Variants in ELOVL5 observed in about 807,000 individuals in gnomAD.
The protein encoded by ELOVL5 is ELOVL fatty acid elongase 5, also known as very long chain fatty acid elongase 5.
A neutral mutation model predicts 38.6 loss-of-function variants in ELOVL5; 8 were observed. The observed-to-expected ratio is 0.21, with a 90% CI of 0.12 to 0.37. The LOEUF is 0.37. ELOVL5 is among the 10% of genes least tolerant of loss of function. ELOVL5 has a pLI of 1.00. For missense variants in ELOVL5, 280 were observed against 367.8 expected (o/e 0.76, Z 1.95); for synonymous variants, 127 against 133.7 (o/e 0.95, Z 0.34).
chr6:53,289,554 A>T (rs1420663913), intron 3 of ELOVL5, among the ~76,000 whole-genome samples: 2 of 152,194 alleles, frequency 1.3e-5, no homozygotes, highest in East Asian at 1.9e-4. Flanking sequence ...CCCTGTCTCT[A>T]CTAAAAATAC....
chr6:53,291,550 A>G (rs1408905097), intron 3 of ELOVL5, among the ~76,000 whole-genome samples: 3 of 152,254 alleles, frequency 2.0e-5, no homozygotes, highest in African/African-American at 4.8e-5. Flanking sequence ...AGAAGAATCA[A>G]TAACAAAGGC....
intron 1 of ELOVL5, among the ~76,000 whole-genome samples, chr6:53,306,429 A>T (rs1267068821): frequency 6.6e-6 from 1 of 150,568 alleles, no homozygotes; most frequent in Non-Finnish European, 1.5e-5. Context: ...TTAAACATTC[A>T]AGGAAATTTC....
rs562292347 is a variant in ELOVL5, at chr6:53,285,195, GA to G, written c.246+6580del. 7.4e-3 allele frequency among the ~76,000 whole-genome samples: 1,124 copies of G among 152,312 alleles called. 10 individuals carry two copies. The highest frequency in any genetic ancestry group is 0.011 in the Admixed American group (172 of 15,294). ...GGTTAGCCACGTTGTGAATGCAAAGGAAAAGTTACTGAAGGAAATTAAAAGT... is the reference window on the plus strand; with the variant it reads ...GGTTAGCCACGTTGTGAATGCAAAGGAAAGTTACTGAAGGAAATTAAAAGT... On this transcript the variant is annotated intron_variant, in intron 3 of 7. Transcript: ENST00000304434.
At chr6:53,297,745 C>A (rs1022804109) in intron 1 of ELOVL5, among the ~76,000 whole-genome samples, 31 of 151,996 alleles carry the variant, frequency 2.0e-4, no homozygotes, top group African/African-American at 7.0e-4. Context: ...CAGATTTAGG[C>A]TTCCATTCTA....
chr6:53,328,082 A>G (rs1768630192), intron 1 of ELOVL5, among the ~76,000 whole-genome samples: 1 of 152,204 alleles, frequency 6.6e-6, no homozygotes, highest in Admixed American at 6.5e-5. Flanking sequence ...ACACATATAA[A>G]AAAACACTCT....
At chr6:53,281,602 T>A (rs1766358201) in intron 3 of ELOVL5, among the ~76,000 whole-genome samples, 1 of 152,202 alleles carries the variant, frequency 6.6e-6, no homozygotes, top group African/African-American at 2.4e-5. Flanking sequence ...AAGCAGACCT[T>A]TAACTGCATC....
intron 1 of ELOVL5, among the ~76,000 whole-genome samples, chr6:53,321,104 G>T (rs770896803): frequency 3.3e-5 from 5 of 152,196 alleles, no homozygotes; most frequent in Non-Finnish European, 5.9e-5. Context: ...ATAATCACCA[G>T]ACAAGAGATC....
At chr6:53,288,797 G>A (rs1371017920) in intron 3 of ELOVL5, among the ~76,000 whole-genome samples, 1 of 152,154 alleles carries the variant, frequency 6.6e-6, no homozygotes, top group Non-Finnish European at 1.5e-5. Context: ...CAGATGTAGT[G>A]GCTCATGTCT....
At chr6:53,346,814 T>C (rs1250505401) in intron 1 of ELOVL5, among the ~76,000 whole-genome samples, 1 of 152,180 alleles carries the variant, frequency 6.6e-6, no homozygotes, top group Non-Finnish European at 1.5e-5. Context: ...GCAACCATTA[T>C]GCAGGGAGCA....
In ELOVL5 at chr6:53,346,825, A is replaced by G. The variant is rs1375021046; in HGVS notation, c.-9+1992T>C. Among the ~76,000 whole-genome samples the G allele has an allele frequency of 7.2e-5, 11 of 152,364 alleles. No homozygotes were observed. The East Asian group carries it at 2.1e-3, about 29-fold the overall frequency. On this transcript the variant is annotated intron_variant, in intron 1 of 7. Coordinates refer to ENST00000304434, the MANE Select transcript of ELOVL5 (RefSeq NM_021814.5). The stretch of plus-strand genomic sequence containing the variant: ...ACAAGCAACCATTATGCAGGGAGCA[A>G]AAGAAGAGGTAGTGGAAAAAAAGAT...
intron 3 of ELOVL5, among the ~76,000 whole-genome samples, chr6:53,287,657 G>T (rs1203544854): frequency 6.6e-6 from 1 of 152,254 alleles, no homozygotes; most frequent in Non-Finnish European, 1.5e-5. Flanking sequence ...AAGTGAGAGG[G>T]AGACTGCCAG....
intron 1 of ELOVL5, among the ~76,000 whole-genome samples, chr6:53,311,028 T>C (rs759969023): frequency 3.0e-4 from 46 of 152,316 alleles, no homozygotes; most frequent in South Asian, 4.2e-4. Context: ...CTCCCCTCTG[T>C]ACCTCAACAG....
intron 2 of ELOVL5, among the ~76,000 whole-genome samples, chr6:53,293,144 C>T (rs1443061878): frequency 1.3e-5 from 2 of 152,080 alleles, no homozygotes. Context: ...AAGCATGCTC[C>T]CCTTTGAACC....
chr6:53,324,383 A>G (rs1768433050), intron 1 of ELOVL5, among the ~76,000 whole-genome samples: 1 of 152,162 alleles, frequency 6.6e-6, no homozygotes, highest in Admixed American at 6.5e-5. Context: ...AGTAGAGTTA[A>G]AAGAATTGGG....
At position 53,291,983 on chromosome 6, in the gene ELOVL5, TA is replaced by T; in HGVS notation, c.59-21del. 7.1e-7 allele frequency: 1 copy of T among 1,406,156 alleles called. No individual in the cohort carries two copies. Among genetic ancestry groups the T allele is most frequent in the Non-Finnish European group, 9.6e-7 (1 of 1,044,376 alleles). The allele number at this position is 1,406,156 out of a possible 1,614,324, so 87.1% of individuals were successfully genotyped here. ...TAGTATCTGAAAAATTAAAAAAAAT[TA>T]ATGATATATAAAAACATTCACAACT... On this transcript the variant is annotated intron_variant, in intron 2 of 7. Transcript: ENST00000304434.
chr6:53,310,965 T>G (rs1050903338), intron 1 of ELOVL5, among the ~76,000 whole-genome samples: 2 of 152,174 alleles, frequency 1.3e-5, no homozygotes, highest in African/African-American at 4.8e-5. Flanking sequence ...CTTAAAGGAT[T>G]CTGCAAATTT....
At chr6:53,278,112 T>C (rs1766210544) in intron 3 of ELOVL5, among the ~76,000 whole-genome samples, 1 of 152,228 alleles carries the variant, frequency 6.6e-6, no homozygotes, top group Non-Finnish European at 1.5e-5. Flanking sequence ...TCATCAGAGA[T>C]ATTTTTGGAA....
At chr6:53,283,453 T>C (rs79738227) in intron 3 of ELOVL5, among the ~76,000 whole-genome samples, 9,475 of 152,280 alleles carry the variant, frequency 0.062, 594 homozygotes, top group Admixed American at 0.22. Flanking sequence ...CACAGATATA[T>C]CTGTAAGCAA....
At chr6:53,293,971 C>T (rs1766877115) in intron 2 of ELOVL5, 1 of 557,276 alleles carries the variant, frequency 1.8e-6, no homozygotes, top group African/African-American at 1.9e-5. Context: ...TTGTTCTCAG[C>T]TTTGGGCCTT....
Sources: allele counts gnomAD v4.1 joint callset (sites outside exome capture counted in the v4.1 genomes callset), GRCh38; gene constraint gnomAD v4.1.1; transcripts MANE v1.5; gene names NCBI Gene and HGNC (gene_info 2026-07-23, HGNC 2026-07-21).